The following NEMP2 variants were observed in gnomAD, a reference collection of about 807,000 sequenced individuals.
NEMP2 encodes nuclear envelope integral membrane protein 2.
A neutral mutation model predicts 54.2 loss-of-function variants in NEMP2; 53 were observed. The ratio of observed to expected loss-of-function variants is 0.98; its 90% CI spans 0.78 to 1.23. The LOEUF is 1.23. Ranked by LOEUF, NEMP2 falls within the 50% of genes most tolerant of loss-of-function variation. The pLI, the probability that NEMP2 is intolerant of heterozygous loss-of-function variation, is 0.00. For synonymous variants in NEMP2, 197 were observed against 190.3 expected (o/e 1.04, Z -0.29); for missense variants, 455 against 511.3 (o/e 0.89, Z 1.06).
At chr2:190,570,838 A>G in the NEMP2 span, among the ~76,000 whole-genome samples, 1,666 of 152,346 alleles carry the variant, frequency 0.011, 17 homozygotes, top group Non-Finnish European at 0.016. This position sits in a 1 kb window ranked among gnomAD's most constrained non-coding sequence, Gnocchi z 5.4. Context: ...ATGTCTTTAC[A>G]TGTTTTAGTA....
At chr2:190,532,857 G>A (rs546799748) in intron 1 of NEMP2, among the ~76,000 whole-genome samples, 17 of 152,278 alleles carry the variant, frequency 1.1e-4, no homozygotes, top group Admixed American at 3.9e-4. Flanking sequence ...TTCACAGTCC[G>A]TATTGGAAAG....
At chr2:190,545,979 G>A in the NEMP2 span, among the ~76,000 whole-genome samples, 1 of 152,272 alleles carries the variant, frequency 6.6e-6, no homozygotes, top group South Asian at 2.1e-4. Flanking sequence ...GCAACCCAGT[G>A]TGGGAAAGAA....
chr2:190,554,499 A>G, the NEMP2 span, among the ~76,000 whole-genome samples: 1 of 152,356 alleles, frequency 6.6e-6, no homozygotes, highest in East Asian at 1.9e-4. This position sits in a 1 kb window ranked among gnomAD's most constrained non-coding sequence, Gnocchi z 5.7. Flanking sequence ...CTGAGGCTTG[A>G]GTAGGTGGTT....
At chr2:190,436,194 C>T in the NEMP2 span, 1 of 1,614,032 alleles carries the variant, frequency 6.2e-7, no homozygotes, top group African/African-American at 1.3e-5. This position sits in a 1 kb window ranked among gnomAD's most constrained non-coding sequence, Gnocchi z 5.3. Flanking sequence ...AGGAAATAGA[C>T]TGGATAGAGA....
chr2:190,525,313 A>T lies in NEMP2; in HGVS notation c.163T>A (p.Tyr55Asn). ...IRTSESDCYCYNQNSQVEWKY... is the reference protein window; with the variant it reads ...IRTSESDCYCNNQNSQVEWKY... The stretch of plus-strand genomic sequence containing the variant: ...CACTCCACTTGGGAATTTTGATTGT[A>T]GCAGTAACAGTCTGACTCAGACGTT... The change falls in exon 2 of 9, where the codon TAC becomes AAC. Residue 55 changes from tyrosine (Y) to asparagine (N), a missense_variant. Physicochemically the swap from Tyr to Asn is moderately radical, Grantham distance 143. This residue lies in a region of NEMP2 where 100 missense variants were observed against 80.2 expected (regional missense o/e 1.25). Coordinates refer to ENST00000409150, the MANE Select transcript of NEMP2 (RefSeq NM_001142645.2). This position sits in a 1 kb window ranked among gnomAD's most constrained non-coding sequence, Gnocchi z 5.0. 1 of 1,550,900 alleles carries T rather than the reference A, an allele frequency of 6.4e-7. No individual in the cohort carries two copies. Among genetic ancestry groups the T allele is most frequent in the South Asian group, 1.2e-5 (1 of 83,896 alleles).
At chr2:190,593,346 G>A in the NEMP2 span, among the ~76,000 whole-genome samples, 1 of 152,208 alleles carries the variant, frequency 6.6e-6, no homozygotes, top group Admixed American at 6.5e-5. This position sits in a 1 kb window ranked among gnomAD's most constrained non-coding sequence, Gnocchi z 4.5. Flanking sequence ...TTGAAGGTGA[G>A]CAATGGAGGC....
the NEMP2 span, among the ~76,000 whole-genome samples, chr2:190,567,806 GC>G: frequency 4.6e-3 from 693 of 152,174 alleles, 10 homozygotes; most frequent in African/African-American, 0.016. This position sits in a 1 kb window ranked among gnomAD's most constrained non-coding sequence, Gnocchi z 4.0. Context: ...GCACCATCAT[GC>G]CCAGCTAATT....
chr2:190,484,746 T>G, the NEMP2 span, among the ~76,000 whole-genome samples: 1,212 of 152,278 alleles, frequency 8.0e-3, 7 homozygotes, highest in African/African-American at 0.026. Context: ...ATTGCTACAT[T>G]TTGCTGGTTT....
At chr2:190,474,874 A>C in the NEMP2 span, among the ~76,000 whole-genome samples, 1 of 152,234 alleles carries the variant, frequency 6.6e-6, no homozygotes, top group Non-Finnish European at 1.5e-5. Context: ...CACCATGATC[A>C]AGTGGGCTTC....
the NEMP2 span, among the ~76,000 whole-genome samples, chr2:190,584,756 G>T: frequency 6.6e-6 from 1 of 151,942 alleles, no homozygotes; most frequent in Admixed American, 6.6e-5. The surrounding 1 kb of genome is among the most constrained non-coding windows in gnomAD (Gnocchi z 4.2). Context: ...CACACCTGTG[G>T]TCTCAGCTAC....
At chr2:190,567,693 G>A in the NEMP2 span, among the ~76,000 whole-genome samples, 2 of 152,112 alleles carry the variant, frequency 1.3e-5, no homozygotes, top group Non-Finnish European at 2.9e-5. This position sits in a 1 kb window ranked among gnomAD's most constrained non-coding sequence, Gnocchi z 4.0. Context: ...TCTGTCACCA[G>A]GCTACAGTGC....
Position 190,512,276 on chromosome 2 carries a change from C to T in NEMP2, c.954-1739G>A, listed in dbSNP as rs903738381. Among the ~76,000 whole-genome samples the T allele has an allele frequency of 2.6e-5, 4 of 152,280 alleles. No homozygotes were observed. The highest frequency in any genetic ancestry group is 1.3e-4 in the Admixed American group (2 of 15,290). ...ATGAAAGCAATAATATCTCCCTCAT[C>T]TACTTCATAGGTCACTGTACAGGTT... is the stretch of plus-strand genomic sequence containing the variant. On this transcript the variant is annotated intron_variant, in intron 7 of 8. Transcript: ENST00000409150. This position sits in a 1 kb window ranked among gnomAD's most constrained non-coding sequence, Gnocchi z 4.5.
At chr2:190,583,677 A>G in the NEMP2 span, among the ~76,000 whole-genome samples, 4 of 152,326 alleles carry the variant, frequency 2.6e-5, no homozygotes, top group African/African-American at 9.6e-5. Context: ...GACTTGGTAG[A>G]GCTCAACCAG....
chr2:190,543,080 C>T, the NEMP2 span, among the ~76,000 whole-genome samples: 3 of 152,338 alleles, frequency 2.0e-5, no homozygotes, highest in South Asian at 2.1e-4. The surrounding 1 kb of genome is among the most constrained non-coding windows in gnomAD (Gnocchi z 4.7). Context: ...TCCCTCCACC[C>T]GTGACTAGGC....
At chr2:190,534,790 C>G, upstream of NEMP2, 1 of 599,766 alleles carries the variant, frequency 1.7e-6, no homozygotes. Flanking sequence ...GAGACCCCGC[C>G]TCCCCGGGGC....
the NEMP2 span, among the ~76,000 whole-genome samples, chr2:190,612,564 G>A: frequency 1.3e-5 from 2 of 152,020 alleles, no homozygotes; most frequent in Non-Finnish European, 2.9e-5. Flanking sequence ...GCATAGCTAG[G>A]GGCATGGCTA....
the NEMP2 span, among the ~76,000 whole-genome samples, chr2:190,627,287 C>G: frequency 6.6e-6 from 1 of 152,238 alleles, no homozygotes; most frequent in African/African-American, 2.4e-5. The surrounding 1 kb of genome is among the most constrained non-coding windows in gnomAD (Gnocchi z 4.4). Flanking sequence ...CTATATGGCA[C>G]TCCAGTTGGA....
the NEMP2 span, among the ~76,000 whole-genome samples, chr2:190,492,351 T>C: frequency 2.0e-5 from 3 of 152,204 alleles, no homozygotes; most frequent in East Asian, 1.9e-4. The surrounding 1 kb of genome is among the most constrained non-coding windows in gnomAD (Gnocchi z 5.2). Flanking sequence ...GTCATCAGGC[T>C]ATCTAAAGTC....
At chr2:190,503,167 T>C (rs1005879213), downstream of NEMP2, among the ~76,000 whole-genome samples, 1 of 152,200 alleles carries the variant, frequency 6.6e-6, no homozygotes, top group Non-Finnish European at 1.5e-5. This position sits in a 1 kb window ranked among gnomAD's most constrained non-coding sequence, Gnocchi z 6.3. Flanking sequence ...CTTTGTGAAA[T>C]GTAGGTACAC....
Sources: allele counts gnomAD v4.1 joint callset (sites outside exome capture counted in the v4.1 genomes callset), GRCh38; gene constraint gnomAD v4.1.1; regional missense constraint gnomAD v4.1.1; non-coding constraint Gnocchi (gnomAD v3.1); transcripts MANE v1.5; gene names NCBI Gene and HGNC (gene_info 2026-07-23, HGNC 2026-07-21).